Variants in LARGE1 observed in about 807,000 individuals in gnomAD.
The protein encoded by LARGE1 is LARGE xylosyl- and glucuronyltransferase 1, also known as xylosyl- and glucuronyltransferase LARGE1.
A neutral mutation model predicts 87.6 loss-of-function variants in LARGE1; 43 were observed. The observed-to-expected ratio is 0.49, with a 90% confidence interval of 0.38 to 0.63. The LOEUF (loss-of-function observed/expected upper bound fraction) is 0.63. Among genes scored for constraint, LARGE1 ranks in the 30% least tolerant of loss-of-function variants. The pLI, the probability that LARGE1 is intolerant of heterozygous loss-of-function variation, is 0.00. For synonymous variants in LARGE1, 434 were observed against 394.6 expected, an observed-to-expected ratio of 1.10 and a Z score of -1.18; for missense variants, 802 against 1,000.2, an observed-to-expected ratio of 0.80 and a Z score of 2.67.
chr22:33,760,905 C>G (rs137974119), intron 2 of LARGE1, among the ~76,000 whole-genome samples: 1 of 151,992 alleles, frequency 6.6e-6, no homozygotes, highest in Non-Finnish European at 1.5e-5. Context: ...GGTAACAGAG[C>G]GAGACTCCGT....
chr22:33,104,711 T>C, the LARGE1 span, among the ~76,000 whole-genome samples: 7 of 152,228 alleles, frequency 4.6e-5, no homozygotes. Flanking sequence ...TTTTCACATC[T>C]GCAGGCATTT....
chr22:33,272,552 A>G lies in LARGE1; in HGVS notation c.*1875T>C, dbSNP rs1273713239. On this transcript the variant is annotated 3_prime_UTR_variant, in exon 15 of 15. Coordinates refer to ENST00000397394, the MANE Select transcript of LARGE1 (RefSeq NM_133642.5). ...GCTTTATACATATATGTCACTTTTTATTTATAAATGCTTTGTATATAGGCT... is the reference window on the plus strand; with the variant it reads ...GCTTTATACATATATGTCACTTTTTGTTTATAAATGCTTTGTATATAGGCT... 5.9e-5 allele frequency among the ~76,000 whole-genome samples: 9 copies of G among 152,152 alleles called. No individual in the cohort carries two copies.
intron 1 of LARGE1, among the ~76,000 whole-genome samples, chr22:33,905,689 C>A (rs1423696030): frequency 2.0e-5 from 3 of 152,130 alleles, no homozygotes; most frequent in East Asian, 1.9e-4. Context: ...GGGAAAGAGG[C>A]AACCATGTGG....
chr22:33,508,077 C>T (rs1180785540), intron 6 of LARGE1, among the ~76,000 whole-genome samples: 1 of 152,178 alleles, frequency 6.6e-6, no homozygotes, highest in Non-Finnish European at 1.5e-5. Context: ...TCCTAATTAA[C>T]AAGACCTTGC....
At chr22:33,578,653 T>C (rs966499172) in intron 5 of LARGE1, among the ~76,000 whole-genome samples, 3 of 152,216 alleles carry the variant, frequency 2.0e-5, no homozygotes, top group Non-Finnish European at 4.4e-5. Flanking sequence ...CCAATTATAA[T>C]GAATTATAGG....
At chr22:33,096,689 C>T in the LARGE1 span, among the ~76,000 whole-genome samples, 1 of 151,658 alleles carries the variant, frequency 6.6e-6, no homozygotes. Flanking sequence ...CTCCGCCTCC[C>T]GAGCAGGTGG....
At chr22:33,345,854 G>C (rs1454943104) in intron 9 of LARGE1, among the ~76,000 whole-genome samples, 1 of 152,186 alleles carries the variant, frequency 6.6e-6, no homozygotes, top group Non-Finnish European at 1.5e-5. Context: ...GATGCACTTA[G>C]ACCCCAGAGG....
At chr22:33,707,561 C>CT (rs1296742866) in intron 2 of LARGE1, among the ~76,000 whole-genome samples, 4 of 152,364 alleles carry the variant, frequency 2.6e-5, no homozygotes, top group Admixed American at 2.6e-4. Context: ...ACTGCTCTGG[C>CT]TTTGCAGCCA....
Position 33,309,017 on chromosome 22 carries a change from A to G in LARGE1, c.1452-4510T>C, listed in dbSNP as rs147110069. Among the ~76,000 whole-genome samples the G allele has an allele frequency of 5.1e-4, 77 of 152,248 alleles. 1 individual carries two copies. The East Asian group carries it at 0.014, about 28-fold the overall frequency. On this transcript the variant is annotated intron_variant, in intron 11 of 14. Transcript: ENST00000397394. ...ACCTAATAAATATTTGTTATTTCCAATGCATCTGGTATACTATACAGGCAA... is the reference window on the plus strand; with the variant it reads ...ACCTAATAAATATTTGTTATTTCCAGTGCATCTGGTATACTATACAGGCAA...
At chr22:33,240,823 C>A (rs1413400078) in intron 11 of LARGE1, among the ~76,000 whole-genome samples, 2 of 152,128 alleles carry the variant, frequency 1.3e-5, no homozygotes, top group Non-Finnish European at 2.9e-5. Context: ...GGTTCAGATG[C>A]TACTCGTTTT....
intron 2 of LARGE1, among the ~76,000 whole-genome samples, chr22:33,661,655 C>G (rs909595385): frequency 6.6e-6 from 1 of 152,084 alleles, no homozygotes; most frequent in African/African-American, 2.4e-5. Flanking sequence ...CCCATTCATT[C>G]CTGCTCCTTG....
chr22:33,852,760 G>A (rs536964549), intron 1 of LARGE1, among the ~76,000 whole-genome samples: 72 of 150,372 alleles, frequency 4.8e-4, no homozygotes, highest in African/African-American at 1.6e-3. Context: ...GGAGGCTGAG[G>A]CAGGAGAATT....
chr22:33,880,297 A>G (rs2064637190), intron 1 of LARGE1, among the ~76,000 whole-genome samples: 1 of 152,212 alleles, frequency 6.6e-6, no homozygotes, highest in African/African-American at 2.4e-5. Flanking sequence ...AAAGGTCTTG[A>G]CCAAAATCTC....
chr22:33,514,282 C>CCA (rs60301225), intron 6 of LARGE1, among the ~76,000 whole-genome samples: 134,481 of 147,916 alleles, frequency 0.91, 61,374 homozygotes, highest in East Asian at 0.98. Context: ...CTATGTGTGT[C>CCA]CACACACACA....
At chr22:33,688,773 T>C (rs2082014276) in intron 2 of LARGE1, among the ~76,000 whole-genome samples, 1 of 152,060 alleles carries the variant, frequency 6.6e-6, no homozygotes, top group African/African-American at 2.4e-5. Context: ...CATAAAGCCT[T>C]CCTCCCTTGC....
At chr22:33,397,600 C>T (rs2065793355) in intron 7 of LARGE1, among the ~76,000 whole-genome samples, 1 of 152,202 alleles carries the variant, frequency 6.6e-6, no homozygotes, top group African/African-American at 2.4e-5. Flanking sequence ...TCTTACTCTA[C>T]CCATTATGTC....
chr22:33,257,086 T>G (rs1463549313), intron 11 of LARGE1, among the ~76,000 whole-genome samples: 1 of 152,126 alleles, frequency 6.6e-6, no homozygotes, highest in Non-Finnish European at 1.5e-5. Context: ...ATGCTTGTAA[T>G]CCCAGCTACT....
chr22:33,422,558 G>A (rs528246341), intron 7 of LARGE1, among the ~76,000 whole-genome samples: 30 of 150,576 alleles, frequency 2.0e-4, no homozygotes, highest in Admixed American at 4.0e-4. Flanking sequence ...TACCCAGGCT[G>A]GAGTACAATG....
At chr22:33,492,900 C>T (rs988055813) in intron 6 of LARGE1, among the ~76,000 whole-genome samples, 4 of 152,036 alleles carry the variant, frequency 2.6e-5, no homozygotes, top group East Asian at 1.9e-4. Context: ...GAGGGAAATG[C>T]GGGCGGCGGG....
Sources: gnomAD v4.1 joint callset for allele counts (sites outside exome capture counted in the v4.1 genomes callset) on GRCh38, gnomAD v4.1.1 for gene constraint, MANE v1.5 for transcripts, NCBI Gene and HGNC (gene_info 2026-07-23, HGNC 2026-07-21) for gene names.